Variants in EML4 observed in about 807,000 individuals in gnomAD.
EML4 encodes the protein EMAP like 4, also known as echinoderm microtubule-associated protein-like 4.
EML4 carries 72 observed loss-of-function variants against 129.0 expected under a neutral mutation model. The ratio of observed to expected loss-of-function variants is 0.56; its 90% CI spans 0.46 to 0.68. The LOEUF (loss-of-function observed/expected upper bound fraction) is 0.68. EML4 is among the 30% of genes least tolerant of loss of function. The pLI, the probability that EML4 is intolerant of heterozygous loss-of-function variation, is 0.00. For missense variants in EML4, 1,363 were observed against 1,190.6 expected, an observed-to-expected ratio of 1.14 and a Z score of -2.13; for synonymous variants, 532 against 405.0, an observed-to-expected ratio of 1.31 and a Z score of -3.77.
intron 21 of EML4, among the ~76,000 whole-genome samples, chr2:42,327,624 G>T (rs1277475725): frequency 6.6e-6 from 1 of 152,178 alleles, no homozygotes; most frequent in Admixed American, 6.5e-5. Context: ...CTGACGTTTT[G>T]TAACTTTCTG....
Position 42,280,847 on chromosome 2 carries a change from C to T in EML4, c.668-3C>T. ...ACTTAACTTTTGTCTTGTGTTTCAA[C>T]AGAAGGAGAATATATTAAAATGTTT... On this transcript the variant is annotated splice_region_variant and splice_polypyrimidine_tract_variant and intron_variant, in intron 6 of 22. Transcript: ENST00000318522. 1 of 1,601,804 alleles carries T rather than the reference C, an allele frequency of 6.2e-7. No homozygotes were observed.
chr2:42,307,208 C>G (rs935638141), intron 17 of EML4, among the ~76,000 whole-genome samples: 1 of 152,180 alleles, frequency 6.6e-6, no homozygotes, highest in Non-Finnish European at 1.5e-5. Context: ...TTCTGAAAAA[C>G]TCACTGAAAT....
chr2:42,278,278 AAG>A (rs1666769022), intron 6 of EML4, among the ~76,000 whole-genome samples: 1 of 152,188 alleles, frequency 6.6e-6, no homozygotes, highest in Non-Finnish European at 1.5e-5. Flanking sequence ...TCAAAGGACT[AAG>A]AAACAATTGC....
chr2:42,248,490 A>G (rs1339884409), intron 2 of EML4, among the ~76,000 whole-genome samples: 1 of 152,192 alleles, frequency 6.6e-6, no homozygotes, highest in Non-Finnish European at 1.5e-5. Flanking sequence ...ACTATTCCCC[A>G]GGAACTTATT....
intron 1 of EML4, among the ~76,000 whole-genome samples, chr2:42,214,614 G>T (rs1195427773): frequency 6.6e-6 from 1 of 152,160 alleles, no homozygotes; most frequent in Non-Finnish European, 1.5e-5. Context: ...CAGCATTATT[G>T]TGGGTCAGGA....
In EML4 at chr2:42,291,505, G is replaced by C. The variant is rs1376664528; in HGVS notation, c.1218+3183G>C. Among the ~76,000 whole-genome samples the C allele has an allele frequency of 3.3e-5, 5 of 149,326 alleles. No homozygotes were observed. In the East Asian group the frequency reaches 9.9e-4, roughly 30 times the overall value. On this transcript the variant is annotated intron_variant, in intron 11 of 22. Transcript: ENST00000318522. ...TGCAGCCTCCGCCTCCTGGGTTCAAGTGATTCTTCCGCCTCAGCTTCCTGA... is the reference window on the plus strand; with the variant it reads ...TGCAGCCTCCGCCTCCTGGGTTCAACTGATTCTTCCGCCTCAGCTTCCTGA...
At chr2:42,296,247 G>T (rs1667944178) in intron 13 of EML4, among the ~76,000 whole-genome samples, 1 of 152,130 alleles carries the variant, frequency 6.6e-6, no homozygotes, top group Admixed American at 6.5e-5. Context: ...TCTAAAACCA[G>T]TGGGCCAGGA....
chr2:42,324,822 T>G (rs1232481575), intron 19 of EML4, among the ~76,000 whole-genome samples: 2 of 152,218 alleles, frequency 1.3e-5, no homozygotes, highest in African/African-American at 2.4e-5. Flanking sequence ...TTTTTTTGTT[T>G]TAATTCCCAC....
In EML4 at chr2:42,328,927, C is replaced by T. The variant is rs1669952784; in HGVS notation, c.2383C>T (p.Leu795=). 6.2e-7 allele frequency: 1 copy of T among 1,613,432 alleles called. No individual in the cohort carries two copies. The highest frequency in any genetic ancestry group is 1.1e-5 in the South Asian group (1 of 91,046). ...ATCTGATGGGACAGATATCAATGCA[C>T]TGGTGCGATCCCACAATAGAAAGGT... is the stretch of plus-strand genomic sequence containing the variant. ...EGSDGTDINA[L]VRSHNRKVIA... The change falls in exon 22 of 23, where the codon CTG becomes TTG. Residue 795 remains leucine, a synonymous_variant. Coordinates refer to ENST00000318522, the MANE Select transcript of EML4 (RefSeq NM_019063.5).
At chr2:42,233,771 A>T (rs1407685271) in intron 1 of EML4, among the ~76,000 whole-genome samples, 1 of 152,234 alleles carries the variant, frequency 6.6e-6, no homozygotes, top group Non-Finnish European at 1.5e-5. Context: ...AATCAATGAA[A>T]AGTGATAATT....
intron 1 of EML4, among the ~76,000 whole-genome samples, chr2:42,175,970 TTC>T (rs1224000853): frequency 1.3e-5 from 2 of 152,178 alleles, no homozygotes; most frequent in Non-Finnish European, 2.9e-5. Flanking sequence ...TAATTTTGCA[TTC>T]TGTTTTTTTC....
At chr2:42,282,780 G>C in intron 7 of EML4, 43 bp from the exon 8 acceptor site, 1 of 1,571,594 alleles carries the variant, frequency 6.4e-7, no homozygotes, top group Non-Finnish European at 8.7e-7. Flanking sequence ...TTAACAACTT[G>C]AAAACTGTGT....
chr2:42,234,660 A>G (rs1042945309), intron 1 of EML4, among the ~76,000 whole-genome samples: 1 of 152,256 alleles, frequency 6.6e-6, no homozygotes, highest in Non-Finnish European at 1.5e-5. Flanking sequence ...TACTTTATAA[A>G]CAAATATATT....
chr2:42,243,406 C>CT (rs1253889791), intron 1 of EML4, among the ~76,000 whole-genome samples: 2 of 125,774 alleles, frequency 1.6e-5, no homozygotes, highest in African/African-American at 5.2e-5. Context: ...CTGAATTGTT[C>CT]TTATCATTCC....
chr2:42,309,378 C>A (rs1010307740), intron 17 of EML4, among the ~76,000 whole-genome samples: 1 of 150,984 alleles, frequency 6.6e-6, no homozygotes, highest in Non-Finnish European at 1.5e-5. Flanking sequence ...CACCACTGCA[C>A]TCCAGCCTGG....
intron 17 of EML4, among the ~76,000 whole-genome samples, chr2:42,313,975 G>T (rs1572743718): frequency 6.6e-6 from 1 of 150,920 alleles, no homozygotes; most frequent in East Asian, 1.9e-4. Flanking sequence ...TCTTTTTATT[G>T]GCTTACATTA....
chr2:42,180,662 A>G (rs1041596365), intron 1 of EML4, among the ~76,000 whole-genome samples: 1 of 152,182 alleles, frequency 6.6e-6, no homozygotes, highest in African/African-American at 2.4e-5. Flanking sequence ...ACCCTCTAAC[A>G]TTTTAGTGTT....
intron 14 of EML4, among the ~76,000 whole-genome samples, 174 bp downstream of exon 14, chr2:42,301,566 A>G (rs1012297013): frequency 6.6e-6 from 1 of 152,158 alleles, no homozygotes; most frequent in Non-Finnish European, 1.5e-5. Flanking sequence ...TCAAAAAAAA[A>G]AGACCATTAA....
chr2:42,237,411 T>C (rs912043232), intron 1 of EML4, among the ~76,000 whole-genome samples: 2 of 152,232 alleles, frequency 1.3e-5, no homozygotes, highest in African/African-American at 4.8e-5. Flanking sequence ...TTGTAGGATA[T>C]GAAGACATTT....
Sources: gnomAD v4.1 joint callset for allele counts (sites outside exome capture counted in the v4.1 genomes callset) on GRCh38, gnomAD v4.1.1 for gene constraint, MANE v1.5 for transcripts, NCBI Gene and HGNC (gene_info 2026-07-23, HGNC 2026-07-21) for gene names.